Variants in LRRC37A2 observed in about 807,000 individuals in gnomAD.
The protein encoded by LRRC37A2 is leucine-rich repeat-containing protein 37A2.
In LRRC37A2, 9 loss-of-function variants were observed where a neutral mutation model predicts 68.8. The observed-to-expected ratio is 0.13, with a 90% confidence interval of 0.08 to 0.23. The LOEUF (loss-of-function observed/expected upper bound fraction) is 0.23, where lower values mean the gene tolerates loss of function less well. Ranked by LOEUF, LRRC37A2 falls within the 10% of genes least tolerant of loss-of-function variation. The pLI, the probability that LRRC37A2 is intolerant of heterozygous loss-of-function variation, is 1.00. For synonymous variants in LRRC37A2, 63 were observed against 367.6 expected (o/e 0.17, Z 9.48); for missense variants, 168 against 950.4 (o/e 0.18, Z 10.82).
At chr17:46,804,219 C>A in the LRRC37A2 span, among the ~76,000 whole-genome samples, 1 of 152,068 alleles carries the variant, frequency 6.6e-6, no homozygotes, top group Non-Finnish European at 1.5e-5. Context: ...TCCCCAGCAG[C>A]TGGGACTACA....
chr17:46,816,361 C>T, the LRRC37A2 span, among the ~76,000 whole-genome samples: 1 of 152,126 alleles, frequency 6.6e-6, no homozygotes, highest in Non-Finnish European at 1.5e-5. Flanking sequence ...TCCCCCAACA[C>T]GCCCACACGA....
At chr17:46,833,521 T>C in the LRRC37A2 span, 2 of 440,874 alleles carry the variant, frequency 4.5e-6, no homozygotes, top group Non-Finnish European at 9.2e-6. Flanking sequence ...CTCTCTGAGC[T>C]TTCCGAGACA....
the LRRC37A2 span, among the ~76,000 whole-genome samples, chr17:46,878,177 A>C: frequency 6.6e-6 from 1 of 152,208 alleles, no homozygotes; most frequent in Non-Finnish European, 1.5e-5. Context: ...ACCCAGGAGG[A>C]AGTGACTTCT....
the LRRC37A2 span, among the ~76,000 whole-genome samples, chr17:46,854,257 T>C: frequency 6.6e-6 from 1 of 152,232 alleles, no homozygotes; most frequent in African/African-American, 2.4e-5. Flanking sequence ...CTGCATTCGC[T>C]GTCTGGGAGG....
chr17:46,935,467 C>T, the LRRC37A2 span: 1 of 1,373,526 alleles, frequency 7.3e-7, no homozygotes, highest in Admixed American at 3.2e-5. Context: ...GGTCCAATCA[C>T]AGGCTGAGAA....
chr17:46,801,781 G>A, the LRRC37A2 span, among the ~76,000 whole-genome samples: 1 of 152,252 alleles, frequency 6.6e-6, no homozygotes, highest in South Asian at 2.1e-4. Context: ...TGTGAGGGAG[G>A]GCAGTGCCAC....
intron 6 of LRRC37A2, among the ~76,000 whole-genome samples, chr17:46,534,746 G>A (rs1447047991): frequency 2.7e-4 from 41 of 149,348 alleles, no homozygotes; most frequent in Non-Finnish European, 4.9e-4. Flanking sequence ...CGGGCAGAGG[G>A]GCTCCTCACT....
chr17:46,493,571 C>T, the LRRC37A2 span, among the ~76,000 whole-genome samples: 5 of 144,460 alleles, frequency 3.5e-5, no homozygotes, highest in Admixed American at 6.9e-5. Flanking sequence ...CGGAGTCTCG[C>T]TGTGTCGCCA....
the LRRC37A2 span, among the ~76,000 whole-genome samples, chr17:46,779,053 T>TCACTCACACACACACACACA: frequency 9.9e-6 from 1 of 100,612 alleles, no homozygotes; most frequent in Non-Finnish European, 1.9e-5. Flanking sequence ...CCCTACCCCA[T>TCACTCACACACACACACACA]CACACACACA....
the LRRC37A2 span, among the ~76,000 whole-genome samples, chr17:46,993,644 TAGA>T: frequency 5.9e-5 from 9 of 152,234 alleles, no homozygotes; most frequent in Non-Finnish European, 1.0e-4. Flanking sequence ...CTGTGTTCCC[TAGA>T]AGGACTGTGA....
At chr17:46,861,047 C>T in the LRRC37A2 span, among the ~76,000 whole-genome samples, 3 of 152,100 alleles carry the variant, frequency 2.0e-5, no homozygotes, top group African/African-American at 7.2e-5. Context: ...TATAGGTGTG[C>T]GTGTTGGGGG....
chr17:46,795,569 C>G, the LRRC37A2 span, among the ~76,000 whole-genome samples: 3 of 152,220 alleles, frequency 2.0e-5, no homozygotes, highest in Non-Finnish European at 4.4e-5. Context: ...ACCCAGCTCA[C>G]TTGCCTGGTT....
the LRRC37A2 span, among the ~76,000 whole-genome samples, chr17:46,893,316 G>A: frequency 1.3e-5 from 2 of 152,166 alleles, no homozygotes; most frequent in Non-Finnish European, 2.9e-5. Flanking sequence ...GCAACATGTT[G>A]GCTGCCTTCT....
At chr17:46,931,841 G>A in the LRRC37A2 span, 1 of 587,466 alleles carries the variant, frequency 1.7e-6, no homozygotes, top group Non-Finnish European at 3.0e-6. Context: ...AGATTCTGAA[G>A]TCAAGCTGCT....
chr17:46,493,332 T>C, the LRRC37A2 span, among the ~76,000 whole-genome samples: 3 of 128,836 alleles, frequency 2.3e-5, no homozygotes, highest in African/African-American at 9.3e-5. Flanking sequence ...GCTAGTTTTT[T>C]TTTTTTTTTT....
the LRRC37A2 span, among the ~76,000 whole-genome samples, chr17:47,022,612 A>G: frequency 2.0e-5 from 3 of 152,196 alleles, no homozygotes; most frequent in Non-Finnish European, 4.4e-5. Flanking sequence ...ACCTACATAC[A>G]TATTTACATA....
chr17:46,956,277 C>CTT, the LRRC37A2 span, among the ~76,000 whole-genome samples: 17 of 62,630 alleles, frequency 2.7e-4, no homozygotes, highest in Admixed American at 6.9e-4. Flanking sequence ...CTTGCCAGTC[C>CTT]TTTTTTTTTT....
At chr17:46,992,111 A>C in the LRRC37A2 span, among the ~76,000 whole-genome samples, 2 of 152,322 alleles carry the variant, frequency 1.3e-5, no homozygotes, top group African/African-American at 4.8e-5. Flanking sequence ...CTGTAATCCC[A>C]GCACTTTGGG....
chr17:46,788,920 C>T, the LRRC37A2 span, among the ~76,000 whole-genome samples: 1 of 152,084 alleles, frequency 6.6e-6, no homozygotes, highest in Non-Finnish European at 1.5e-5. Context: ...CTGCTAGCTC[C>T]ACAGTTTGGG....
Sources: allele counts gnomAD v4.1 joint callset (sites outside exome capture counted in the v4.1 genomes callset), GRCh38; gene constraint gnomAD v4.1.1; transcripts MANE v1.5; gene names NCBI Gene and HGNC (gene_info 2026-07-23, HGNC 2026-07-21).